The following ZNF146 variants were observed in gnomAD, a reference collection of about 807,000 sequenced individuals.
ZNF146 encodes the protein zinc finger protein OZF.
ZNF146 carries 9 observed loss-of-function variants against 22.2 expected under a neutral mutation model. The observed-to-expected ratio is 0.41, with a 90% CI of 0.24 to 0.71. The LOEUF (loss-of-function observed/expected upper bound fraction) is 0.71, where lower values mean the gene tolerates loss of function less well. ZNF146 is among the 30% of genes least tolerant of loss of function. The pLI, the probability that ZNF146 is intolerant of heterozygous loss-of-function variation, is 0.34. For synonymous variants in ZNF146, 108 were observed against 119.2 expected, an observed-to-expected ratio of 0.91 and a Z score of 0.61; for missense variants, 194 against 344.8, an observed-to-expected ratio of 0.56 and a Z score of 3.46.
intron 2 of ZNF146, among the ~76,000 whole-genome samples, chr19:36,225,663 C>T (rs966458628): frequency 6.6e-6 from 1 of 151,228 alleles, no homozygotes; most frequent in African/African-American, 2.4e-5. Context: ...GTCTTGAACT[C>T]CTGGGCTCAA....
At position 36,223,585 on chromosome 19, in the gene ZNF146, G is replaced by A. The variant is rs946083842; in HGVS notation, c.-854-5163G>A. Among the ~76,000 whole-genome samples the A allele has an allele frequency of 4.0e-5, 6 of 151,830 alleles. No individual in the cohort carries two copies. The East Asian group carries it at 1.2e-3, about 30-fold the overall frequency. Reference sequence around the variant, plus strand: ...TCACCATGTTAGCCAGGATGGTCTCGATCTCCTGACCTCGTGATCCGCCCG... The same window carrying A: ...TCACCATGTTAGCCAGGATGGTCTCAATCTCCTGACCTCGTGATCCGCCCG... On this transcript the variant is annotated intron_variant, in intron 2 of 3. Transcript: ENST00000443387.
intron 2 of ZNF146, among the ~76,000 whole-genome samples, chr19:36,218,564 C>T (rs1471859381): frequency 2.0e-5 from 3 of 151,416 alleles, no homozygotes; most frequent in Non-Finnish European, 4.4e-5. Context: ...CTCCCTGGTT[C>T]ATGCCATTCT....
chr19:36,227,121 G>GC (rs1316663778), intron 2 of ZNF146, among the ~76,000 whole-genome samples: 1 of 151,820 alleles, frequency 6.6e-6, no homozygotes, highest in Non-Finnish European at 1.5e-5. Context: ...GGGCGCAGTG[G>GC]CTCACACCTG....
intron 2 of ZNF146, among the ~76,000 whole-genome samples, chr19:36,224,268 G>C (rs142136911): frequency 1.7e-3 from 255 of 152,324 alleles, no homozygotes; most frequent in African/African-American, 5.8e-3. Context: ...CTGAATCCCA[G>C]CTATTCGGAG....
At chr19:36,232,799 G>A (rs1160344237) in intron 3 of ZNF146, among the ~76,000 whole-genome samples, 2 of 151,908 alleles carry the variant, frequency 1.3e-5, no homozygotes, top group Non-Finnish European at 2.9e-5. Context: ...TAGTAGAGAC[G>A]AGGTTTCACC....
intron 2 of ZNF146, among the ~76,000 whole-genome samples, chr19:36,226,657 A>G (rs893505401): frequency 6.6e-6 from 1 of 152,256 alleles, no homozygotes; most frequent in African/African-American, 2.4e-5. Context: ...TTGCAAGAAC[A>G]AAAACATTCT....
chr19:36,217,274 G>A (rs1005790706), intron 1 of ZNF146, among the ~76,000 whole-genome samples: 3 of 151,522 alleles, frequency 2.0e-5, no homozygotes, highest in Admixed American at 6.6e-5. Flanking sequence ...TGTTGGCCAG[G>A]CTGGTCTTGA....
At chr19:36,228,019 G>A (rs929395835) in intron 2 of ZNF146, among the ~76,000 whole-genome samples, 6 of 152,036 alleles carry the variant, frequency 3.9e-5, no homozygotes, top group African/African-American at 7.2e-5. Context: ...AATTAGCCAG[G>A]TGTGGTGGTA....
At chr19:36,221,307 G>C (rs1358318709) in intron 2 of ZNF146, among the ~76,000 whole-genome samples, 1 of 15,280 alleles carries the variant, frequency 6.5e-5, no homozygotes, top group East Asian at 1.6e-3. Context: ...TTTTTTTTTT[G>C]AGACGGAGTC....
intron 1 of ZNF146, among the ~76,000 whole-genome samples, chr19:36,217,842 G>A (rs904635579): frequency 1.0e-4 from 15 of 150,260 alleles, no homozygotes; most frequent in African/African-American, 3.7e-4. Context: ...CAGAGATTGC[G>A]CCATTGCACT....
At chr19:36,233,953 C>T (rs200635798) in intron 3 of ZNF146, among the ~76,000 whole-genome samples, 2 of 148,934 alleles carry the variant, frequency 1.3e-5, no homozygotes, top group Admixed American at 6.6e-5. Flanking sequence ...TTTCCCTTCC[C>T]GCGGGGCCAT....
Position 36,237,317 on chromosome 19 carries a change from T to C in ZNF146, c.877T>C (p.Ter293GlnextTer24). Reference sequence around the variant, plus strand: ...TAGACACCAGAAAATTCATACTCACTAAAAACCCCATGAAAGCCTTGAAAG... The same window carrying C: ...TAGACACCAGAAAATTCATACTCACCAAAAACCCCATGAAAGCCTTGAAAG... The part of the protein sequence containing the change: ...HIRHQKIHTH[*>Q] Residue 293 changes from the stop codon to glutamine, a stop_lost, in exon 4 of 4, where the codon TAA becomes CAA. Coordinates refer to ENST00000443387, the MANE Select transcript of ZNF146 (RefSeq NM_007145.3). The C allele has an allele frequency of 6.3e-7, 1 of 1,592,544 alleles. No individual in the cohort carries two copies. The highest frequency in any genetic ancestry group is 8.6e-7 in the Non-Finnish European group (1 of 1,169,312).
At chr19:36,228,037 A>G (rs113982654) in intron 2 of ZNF146, among the ~76,000 whole-genome samples, 39,215 of 151,654 alleles carry the variant, frequency 0.26, 5,463 homozygotes, top group African/African-American at 0.37. Context: ...GTACACACCC[A>G]TAATCCCAGC....
In ZNF146 at chr19:36,237,324, C is replaced by T. The variant is rs201354591; in HGVS notation, c.*5C>T. The T allele has an allele frequency of 8.2e-6, 13 of 1,579,286 alleles. No individual in the cohort carries two copies. The African/African-American group carries it at 1.5e-4, about 18-fold the overall frequency. ...CAGAAAATTCATACTCACTAAAAACCCCATGAAAGCCTTGAAAGTGGGAAA... is the reference window on the plus strand; with the variant it reads ...CAGAAAATTCATACTCACTAAAAACTCCATGAAAGCCTTGAAAGTGGGAAA... On this transcript the variant is annotated 3_prime_UTR_variant, in exon 4 of 4. Transcript: ENST00000443387.
At position 36,237,132 on chromosome 19, in the gene ZNF146, T is replaced by TGAGAAGCCATACAGGG; in HGVS notation, c.701_716dup (p.Gly241ArgfsTer8). ...CAGAGCTCATCTCTCACTGTGCATGTGAGAAGCCATACAGGGGAGAAGCCC... is the reference window on the plus strand; with the variant it reads ...CAGAGCTCATCTCTCACTGTGCATGTGAGAAGCCATACAGGGGAGAAGCCATACAGGGGAGAAGCCC... On this transcript the variant is annotated frameshift_variant, in exon 4 of 4. Coordinates refer to ENST00000443387, the MANE Select transcript of ZNF146 (RefSeq NM_007145.3). LOFTEE classifies it high-confidence loss of function. 1 of 1,614,158 alleles carries TGAGAAGCCATACAGGG rather than the reference T, an allele frequency of 6.2e-7. No individual in the cohort carries two copies. Among genetic ancestry groups the TGAGAAGCCATACAGGG allele is most frequent in the Non-Finnish European group, 8.5e-7 (1 of 1,180,020 alleles).
At chr19:36,232,701 C>A (rs530692190) in intron 3 of ZNF146, among the ~76,000 whole-genome samples, 35 of 151,764 alleles carry the variant, frequency 2.3e-4, no homozygotes, top group Non-Finnish European at 1.5e-4. Context: ...CTCCACCTCC[C>A]GGTTTCAAGT....
intron 3 of ZNF146, among the ~76,000 whole-genome samples, chr19:36,235,285 C>A (rs555577376): frequency 6.6e-6 from 1 of 151,180 alleles, no homozygotes; most frequent in Admixed American, 6.6e-5. Flanking sequence ...TAATTTTCAT[C>A]TTTTTCTTCT....
intron 2 of ZNF146, among the ~76,000 whole-genome samples, chr19:36,227,147 G>A (rs1977104011): frequency 6.6e-6 from 1 of 151,736 alleles, no homozygotes; most frequent in Admixed American, 6.6e-5. Context: ...CCAGCACTTT[G>A]GGAGGCAGAG....
chr19:36,219,087 C>A (rs902708445), intron 2 of ZNF146, among the ~76,000 whole-genome samples: 1 of 152,078 alleles, frequency 6.6e-6, no homozygotes, highest in African/African-American at 2.4e-5. Context: ...GGATTACAGG[C>A]GTGAGCCACT....
Sources: gnomAD v4.1 joint callset for allele counts (sites outside exome capture counted in the v4.1 genomes callset) on GRCh38, gnomAD v4.1.1 for gene constraint, MANE v1.5 for transcripts, NCBI Gene and HGNC (gene_info 2026-07-23, HGNC 2026-07-21) for gene names.